The following STAMBP variants were observed in gnomAD, a reference collection of about 807,000 sequenced individuals.
The protein encoded by STAMBP is STAM binding protein, also known as STAM-binding protein.
A neutral mutation model predicts 50.7 loss-of-function variants in STAMBP; 31 were observed. The observed-to-expected ratio is 0.61, with a 90% CI of 0.46 to 0.83. STAMBP has a LOEUF of 0.83. STAMBP is among the 40% of genes least tolerant of loss of function. The pLI is 0.00. For synonymous variants in STAMBP, 211 were observed against 192.4 expected (o/e 1.10, Z -0.80); for missense variants, 472 against 518.9 (o/e 0.91, Z 0.88).
chr2:73,861,686 A>ATTTT (rs954145238), intron 9 of STAMBP, among the ~76,000 whole-genome samples: 1 of 126,644 alleles, frequency 7.9e-6, no homozygotes, highest in East Asian at 2.2e-4. Flanking sequence ...ACCGGGTTAA[A>ATTTT]TTTTTTTTTT....
At chr2:73,834,218 AAAAAAAAAAAAAAAAAAAATATAT>A (rs1407914186) in intron 2 of STAMBP, among the ~76,000 whole-genome samples, 9 of 17,288 alleles carry the variant, frequency 5.2e-4, no homozygotes, top group African/African-American at 1.7e-3. Flanking sequence ...TTAAAAAAAA[AAAAAAAAAAAAAAAAAAAATATAT>A]ATATATATAT....
At position 73,830,873 on chromosome 2, in the gene STAMBP, A is replaced by T. The variant is rs1334961681; in HGVS notation, c.17A>T (p.Asp6Val). The change falls in exon 2 of 10, where the codon GAT (aspartate) becomes GTT (valine). Residue 6 changes from aspartate (D) to valine (V), a missense_variant. Physicochemically the swap from Asp to Val is radical, Grantham distance 152. Transcript: ENST00000394070. Reference protein sequence around the residue: MSDHGDVSLPPEDRVR... With the variant: MSDHGVVSLPPEDRVR... ...TTGGTCCTGATGTCTGACCATGGAG[A>T]TGTGAGCCTCCCGCCCGAAGACCGG... 3.5e-5 allele frequency: 56 copies of T among 1,613,006 alleles called. No individual in the cohort carries two copies. Among genetic ancestry groups the T allele is most frequent in the Non-Finnish European group, 4.6e-5 (54 of 1,179,976 alleles).
At chr2:73,849,617 A>G in intron 6 of STAMBP, 130 bp downstream of exon 6, 2 of 1,214,992 alleles carry the variant, frequency 1.6e-6, no homozygotes, top group Non-Finnish European at 2.2e-6. Flanking sequence ...TGGACTGCAT[A>G]ATTTCATGTC....
intron 10 of STAMBP, among the ~76,000 whole-genome samples, chr2:73,873,165 G>T (rs1679265594): frequency 6.6e-6 from 1 of 152,318 alleles, no homozygotes; most frequent in South Asian, 2.1e-4. Context: ...AGCTCAGGTG[G>T]ACTGCATGCA....
rs1673601078 is a variant in STAMBP, at chr2:73,829,343, T to G, written c.-180T>G. On this transcript the variant is annotated 5_prime_UTR_variant, in exon 1 of 10. Coordinates refer to ENST00000394070, the MANE Select transcript of STAMBP (RefSeq NM_213622.4). ...GCCCCCTCCGCTCATTCCTGCTACT[T>G]CCTTTCTCCTCCTCGTATTTCCCCC... 1 of 152,496 alleles carries G rather than the reference T, an allele frequency of 6.6e-6. No homozygotes were observed. The highest frequency in any genetic ancestry group is 2.1e-4 in the South Asian group (1 of 4,832). 9.4% of individuals were successfully genotyped at this position (152,496 alleles called of 1,614,324 possible).
chr2:73,867,436 T>A (rs938025911), downstream of STAMBP, among the ~76,000 whole-genome samples: 3 of 152,092 alleles, frequency 2.0e-5, no homozygotes, highest in African/African-American at 7.2e-5. Flanking sequence ...CCCAGCTACT[T>A]GGGAGGCTAA....
At chr2:73,860,176 G>C in intron 9 of STAMBP, 25 bp downstream of exon 9, 1 of 1,586,358 alleles carries the variant, frequency 6.3e-7, no homozygotes, top group Non-Finnish European at 8.6e-7. Context: ...AAAAGAAAAT[G>C]GGGCTATGCT....
chr2:73,836,392 C>T (rs1486458686), intron 2 of STAMBP, among the ~76,000 whole-genome samples: 1 of 152,244 alleles, frequency 6.6e-6, no homozygotes, highest in Non-Finnish European at 1.5e-5. Flanking sequence ...CAGCCTCCCC[C>T]TCCCCTCCAC....
At position 73,850,316 on chromosome 2, in the gene STAMBP, AG is replaced by A; in HGVS notation, c.868-59del. On this transcript the variant is annotated intron_variant, in intron 6 of 9. Coordinates refer to ENST00000394070, the MANE Select transcript of STAMBP (RefSeq NM_213622.4). This position sits in a 1 kb window ranked among gnomAD's most constrained non-coding sequence, Gnocchi z 4.3. ...GCTTACCTTTCCACTGTCGGGATGG[AG>A]TGGAGCAGGGTTGCATGAGCACCAG... The A allele has an allele frequency of 6.4e-7, 1 of 1,551,618 alleles. No homozygotes were observed. The highest frequency in any genetic ancestry group is 1.2e-5 in the South Asian group (1 of 80,374).
At chr2:73,842,204 T>G (rs1311058837) in intron 2 of STAMBP, among the ~76,000 whole-genome samples, 4 of 152,254 alleles carry the variant, frequency 2.6e-5, no homozygotes, top group African/African-American at 9.6e-5. Context: ...AATGTCGTTT[T>G]GTTTTAATGT....
At chr2:73,833,122 T>C (rs1197673124) in intron 2 of STAMBP, among the ~76,000 whole-genome samples, 1 of 152,248 alleles carries the variant, frequency 6.6e-6, no homozygotes, top group African/African-American at 2.4e-5. Flanking sequence ...AATAGCCTGA[T>C]TGGCTACAGT....
chr2:73,858,388 C>T (rs1419035702), intron 7 of STAMBP, among the ~76,000 whole-genome samples: 1 of 152,086 alleles, frequency 6.6e-6, no homozygotes, highest in Non-Finnish European at 1.5e-5. Flanking sequence ...ATCTGCCCTC[C>T]TCAGCCTCCC....
chr2:73,859,211 T>A lies in STAMBP; in HGVS notation c.1006-43T>A, dbSNP rs1190248556. The A allele has an allele frequency of 7.9e-6, 12 of 1,519,880 alleles. No homozygotes were observed. In the East Asian group the frequency reaches 2.7e-4, roughly 34 times the overall value. 94.1% of individuals were successfully genotyped at this position (1,519,880 alleles called of 1,614,324 possible). ...AATCGCAAATAAGGAGGGATTACCATATATCCTCGCTAAGAGTCCTCTGAC... is the reference window on the plus strand; with the variant it reads ...AATCGCAAATAAGGAGGGATTACCAAATATCCTCGCTAAGAGTCCTCTGAC... On this transcript the variant is annotated intron_variant, in intron 7 of 9. Coordinates refer to ENST00000394070, the MANE Select transcript of STAMBP (RefSeq NM_213622.4).
At chr2:73,835,236 C>G (rs115735933) in intron 2 of STAMBP, among the ~76,000 whole-genome samples, 182 of 152,126 alleles carry the variant, frequency 1.2e-3, no homozygotes, top group African/African-American at 4.3e-3. Context: ...CGTCTACAAT[C>G]CCAGCTACCC....
intron 5 of STAMBP, among the ~76,000 whole-genome samples, chr2:73,849,002 T>C (rs538115095): frequency 1.3e-5 from 2 of 152,326 alleles, no homozygotes; most frequent in East Asian, 3.9e-4. Flanking sequence ...TCATGGAGAA[T>C]AGGGTATCCA....
In STAMBP at chr2:73,830,966, TC is replaced by T; in HGVS notation, c.112del (p.Arg38AlafsTer55). On this transcript the variant is annotated frameshift_variant, in exon 2 of 10. Coordinates refer to ENST00000394070, the MANE Select transcript of STAMBP (RefSeq NM_213622.4). LOFTEE classifies it high-confidence loss of function. ...VNEDIPPRRY[F>X]RSGVEIIRMA... ...GAAGACATTCCACCCCGTCGGTACT[TC>T]CGCTCTGGAGTTGAGATTATCCGAA... 6.2e-7 allele frequency: 1 copy of T among 1,614,198 alleles called. No homozygotes were observed. Among genetic ancestry groups the T allele is most frequent in the Non-Finnish European group, 8.5e-7 (1 of 1,180,032 alleles).
chr2:73,852,891 TA>T (rs1677025913), intron 7 of STAMBP, among the ~76,000 whole-genome samples: 1 of 140,014 alleles, frequency 7.1e-6, no homozygotes, highest in African/African-American at 2.8e-5. Context: ...GTATTTTTAG[TA>T]GACTGGGTTT....
downstream of STAMBP, among the ~76,000 whole-genome samples, chr2:73,868,884 G>GAA (rs60251936): frequency 0.058 from 8,672 of 150,012 alleles, 317 homozygotes; most frequent in African/African-American, 0.09. Context: ...CTCAAAAAAA[G>GAA]AAAAAAAAAG....
intron 9 of STAMBP, among the ~76,000 whole-genome samples, chr2:73,860,782 T>C (rs1678241981): frequency 6.6e-6 from 1 of 152,178 alleles, no homozygotes; most frequent in Non-Finnish European, 1.5e-5. Flanking sequence ...TGGAGTATTA[T>C]TTCTTTTGGG....
Sources: allele counts gnomAD v4.1 joint callset (sites outside exome capture counted in the v4.1 genomes callset), GRCh38; gene constraint gnomAD v4.1.1; non-coding constraint Gnocchi (gnomAD v3.1); transcripts MANE v1.5; gene names NCBI Gene and HGNC (gene_info 2026-07-23, HGNC 2026-07-21).